The following PDE7B variants were observed in gnomAD, a reference collection of about 807,000 sequenced individuals.
PDE7B encodes the protein phosphodiesterase 7B, also known as 3',5'-cyclic-AMP phosphodiesterase 7B.
Under a neutral mutation model 56.2 loss-of-function variants are expected in PDE7B, and 29 were observed. The ratio of observed to expected loss-of-function variants is 0.52; its 90% CI spans 0.38 to 0.70. The LOEUF (loss-of-function observed/expected upper bound fraction) is 0.70. Ranked by LOEUF, PDE7B falls within the 30% of genes least tolerant of loss-of-function variation. PDE7B has a pLI of 0.00. For synonymous variants in PDE7B, 197 were observed against 196.9 expected (o/e 1.00, Z 0.00); for missense variants, 490 against 565.0 (o/e 0.87, Z 1.35).
intron 2 of PDE7B, among the ~76,000 whole-genome samples, chr6:136,026,955 T>C (rs987560175): frequency 6.6e-6 from 1 of 152,222 alleles, no homozygotes; most frequent in Admixed American, 6.5e-5. Context: ...AGGTGGGACC[T>C]ATGGGAAGTA....
intron 2 of PDE7B, among the ~76,000 whole-genome samples, chr6:136,087,460 A>G (rs1777311794): frequency 6.6e-6 from 1 of 152,330 alleles, no homozygotes; most frequent in South Asian, 2.1e-4. Flanking sequence ...CCTAAATTTT[A>G]TTATCACAAA....
intron 1 of PDE7B, among the ~76,000 whole-genome samples, chr6:135,856,716 G>C (rs1357268665): frequency 2.0e-5 from 3 of 152,100 alleles, no homozygotes; most frequent in African/African-American, 7.2e-5. Flanking sequence ...TAGGGAGCTG[G>C]TTTTGTAGTT....
At chr6:135,894,054 C>T (rs923032505) in intron 1 of PDE7B, among the ~76,000 whole-genome samples, 1 of 152,170 alleles carries the variant, frequency 6.6e-6, no homozygotes, top group Non-Finnish European at 1.5e-5. Flanking sequence ...ATAGGTGATG[C>T]CAGTTAAGGA....
At chr6:135,922,429 T>C (rs574738849) in intron 1 of PDE7B, among the ~76,000 whole-genome samples, 7 of 152,306 alleles carry the variant, frequency 4.6e-5, no homozygotes, top group African/African-American at 1.4e-4. Context: ...GTCACTCTCT[T>C]ATTCATATGG....
intron 3 of PDE7B, among the ~76,000 whole-genome samples, chr6:136,141,992 G>A (rs951302117): frequency 3.9e-5 from 6 of 152,092 alleles, no homozygotes; most frequent in Non-Finnish European, 7.3e-5. Flanking sequence ...CTTGCCTTCT[G>A]CTAGCTTTTG....
intron 1 of PDE7B, among the ~76,000 whole-genome samples, chr6:135,894,166 A>G (rs941691373): frequency 1.7e-4 from 26 of 152,144 alleles, no homozygotes; most frequent in Non-Finnish European, 5.9e-5. Context: ...AACCACATCT[A>G]TATGCTTTAT....
chr6:136,105,227 T>C (rs1777628253), intron 2 of PDE7B, among the ~76,000 whole-genome samples: 1 of 152,234 alleles, frequency 6.6e-6, no homozygotes, highest in South Asian at 2.1e-4. Context: ...ATTCTCCTGG[T>C]ATTCTTTTTC....
chr6:135,896,773 C>A (rs1456324101), intron 1 of PDE7B, among the ~76,000 whole-genome samples: 1 of 152,184 alleles, frequency 6.6e-6, no homozygotes, highest in Admixed American at 6.6e-5. Context: ...GACTACCCAA[C>A]AGATCTTCAG....
At chr6:136,128,514 T>C (rs1027783176) in intron 3 of PDE7B, among the ~76,000 whole-genome samples, 1 of 152,052 alleles carries the variant, frequency 6.6e-6, no homozygotes, top group African/African-American at 2.4e-5. Flanking sequence ...GGAATAATGA[T>C]AGGTATTATT....
chr6:135,865,066 C>T (rs187578215), intron 1 of PDE7B, among the ~76,000 whole-genome samples: 8 of 151,142 alleles, frequency 5.3e-5, no homozygotes, highest in Non-Finnish European at 8.8e-5. Flanking sequence ...TTGCAGTAGA[C>T]GAACAATGAT....
chr6:136,135,917 G>C (rs1239587247), intron 3 of PDE7B, among the ~76,000 whole-genome samples: 1 of 151,944 alleles, frequency 6.6e-6, no homozygotes, highest in African/African-American at 2.4e-5. Context: ...TGTAAGTTCT[G>C]GAAATGACTC....
Position 135,980,997 on chromosome 6 carries a change from C to A in PDE7B, c.82+33473C>A, listed in dbSNP as rs796272076. Among the ~76,000 whole-genome samples, 3 of 147,492 alleles carry A rather than the reference C, an allele frequency of 2.0e-5. No homozygotes were observed. In the South Asian group the frequency reaches 6.6e-4, roughly 33 times the overall value. On this transcript the variant is annotated intron_variant, in intron 2 of 12. Transcript: ENST00000308191. ...GACACATGCACACGTATGTTTATTG[C>A]GGCATTATTCACAATAGCAAAGACT...
chr6:136,052,593 G>A (rs1008526182), intron 2 of PDE7B, among the ~76,000 whole-genome samples: 6 of 151,404 alleles, frequency 4.0e-5, no homozygotes, highest in Non-Finnish European at 5.9e-5. Context: ...CTCAGTTCTT[G>A]TGGGTGTATA....
chr6:136,165,637 C>G (rs981053555), intron 8 of PDE7B: 1 of 152,168 alleles, frequency 6.6e-6, no homozygotes, highest in African/African-American at 2.4e-5. Flanking sequence ...CCTCCTCACC[C>G]AAGGTATCTG....
At chr6:136,055,199 T>C (rs1583854137) in intron 2 of PDE7B, among the ~76,000 whole-genome samples, 1 of 152,212 alleles carries the variant, frequency 6.6e-6, no homozygotes, top group Non-Finnish European at 1.5e-5. Context: ...TCTCTTTCCA[T>C]TTTAAAGGTT....
intron 1 of PDE7B, among the ~76,000 whole-genome samples, chr6:135,940,167 T>C (rs1429189589): frequency 6.6e-6 from 1 of 152,170 alleles, no homozygotes; most frequent in Non-Finnish European, 1.5e-5. Context: ...GCTTTCAAGA[T>C]CTTAACCAAG....
At chr6:135,955,592 T>C (rs1337340546) in intron 2 of PDE7B, among the ~76,000 whole-genome samples, 1 of 152,124 alleles carries the variant, frequency 6.6e-6, no homozygotes, top group African/African-American at 2.4e-5. Context: ...TTGAAAGATG[T>C]TTAAGCAGAG....
Position 135,979,158 on chromosome 6 carries a change from T to G in PDE7B, c.82+31634T>G, listed in dbSNP as rs970896431. ...ATCATGTGGTTTTTGTCTTTGGTTCTGTTTATATGCTAGATTACATTTATT... is the reference window on the plus strand; with the variant it reads ...ATCATGTGGTTTTTGTCTTTGGTTCGGTTTATATGCTAGATTACATTTATT... On this transcript the variant is annotated intron_variant, in intron 2 of 12. Transcript: ENST00000308191. Among the ~76,000 whole-genome samples the G allele has an allele frequency of 1.1e-4, 17 of 152,154 alleles. 1 individual carries two copies. Among genetic ancestry groups the G allele is most frequent in the Admixed American group, 5.2e-4 (8 of 15,290 alleles).
intron 1 of PDE7B, among the ~76,000 whole-genome samples, chr6:135,912,343 C>A (rs1455125837): frequency 6.6e-6 from 1 of 152,086 alleles, no homozygotes; most frequent in East Asian, 1.9e-4. Flanking sequence ...AGTATAACAA[C>A]TATTTACATA....
Sources: allele counts gnomAD v4.1 joint callset (sites outside exome capture counted in the v4.1 genomes callset), GRCh38; gene constraint gnomAD v4.1.1; transcripts MANE v1.5; gene names NCBI Gene and HGNC (gene_info 2026-07-23, HGNC 2026-07-21).